SLC25A21: variants seen among roughly 807,000 people sequenced by gnomAD.
The protein encoded by SLC25A21 is solute carrier family 25 member 21.
SLC25A21 carries 47 observed loss-of-function variants against 43.8 expected under a neutral mutation model. The ratio of observed to expected loss-of-function variants is 1.07; its 90% CI spans 0.85 to 1.37. The LOEUF is 1.37. Among genes scored for constraint, SLC25A21 ranks in the 40% most tolerant of loss-of-function variants. The pLI is 0.00. For synonymous variants in SLC25A21, 131 were observed against 121.3 expected (o/e 1.08, Z -0.52); for missense variants, 352 against 350.2 (o/e 1.00, Z -0.04).
intron 1 of SLC25A21, among the ~76,000 whole-genome samples, chr14:36,985,715 T>G (rs909567744): frequency 6.6e-6 from 1 of 152,188 alleles, no homozygotes; most frequent in Non-Finnish European, 1.5e-5. Context: ...ATAATGGTTG[T>G]CGTAATTTTC....
intron 1 of SLC25A21, among the ~76,000 whole-genome samples, chr14:36,927,599 C>A (rs1892165966): frequency 6.6e-6 from 1 of 152,244 alleles, no homozygotes; most frequent in South Asian, 2.1e-4. Context: ...GTGACCATGT[C>A]TCCATTTTAT....
At chr14:36,838,251 G>C (rs1180536518) in intron 2 of SLC25A21, among the ~76,000 whole-genome samples, 1 of 152,224 alleles carries the variant, frequency 6.6e-6, no homozygotes, top group African/African-American at 2.4e-5. Context: ...CTAGAGAACA[G>C]AGGGGTCACA....
chr14:36,744,657 G>C (rs918412952), intron 3 of SLC25A21, among the ~76,000 whole-genome samples: 3 of 43,474 alleles, frequency 6.9e-5, no homozygotes, highest in African/African-American at 4.1e-4. Context: ...ATAGACAAAT[G>C]GGACTTAAAC....
At chr14:37,092,285 C>T (rs775857848) in intron 1 of SLC25A21, among the ~76,000 whole-genome samples, 5 of 152,162 alleles carry the variant, frequency 3.3e-5, no homozygotes, top group Non-Finnish European at 7.3e-5. Flanking sequence ...GAAATATAAA[C>T]CTTAATGGCA....
At chr14:37,159,329 A>G (rs185470906) in intron 1 of SLC25A21, among the ~76,000 whole-genome samples, 5 of 152,174 alleles carry the variant, frequency 3.3e-5, no homozygotes, top group Admixed American at 2.0e-4. Flanking sequence ...TCAAAATACA[A>G]TGCAAGGCTA....
chr14:37,005,675 C>A (rs768554562), intron 1 of SLC25A21, among the ~76,000 whole-genome samples: 33 of 151,818 alleles, frequency 2.2e-4, no homozygotes, highest in Non-Finnish European at 1.0e-4. Flanking sequence ...GTATATCTTT[C>A]ATGTGTAGAT....
chr14:37,127,031 G>A (rs986963226), intron 1 of SLC25A21, among the ~76,000 whole-genome samples: 1 of 152,072 alleles, frequency 6.6e-6, no homozygotes, highest in African/African-American at 2.4e-5. Flanking sequence ...CGTGGCTATT[G>A]CTTGCCCATC....
chr14:37,062,169 C>T (rs562698810), intron 1 of SLC25A21, among the ~76,000 whole-genome samples: 14 of 152,300 alleles, frequency 9.2e-5, no homozygotes, highest in Admixed American at 3.3e-4. Flanking sequence ...TTCATTTTAA[C>T]TACATATGGA....
At chr14:37,063,459 CA>C (rs143812232) in intron 1 of SLC25A21, among the ~76,000 whole-genome samples, 6,858 of 152,064 alleles carry the variant, frequency 0.045, 504 homozygotes, top group African/African-American at 0.16. Flanking sequence ...AGGATTTTGC[CA>C]CTGCACTCCA....
At chr14:37,041,464 G>A (rs979601722) in intron 1 of SLC25A21, among the ~76,000 whole-genome samples, 4 of 151,832 alleles carry the variant, frequency 2.6e-5, no homozygotes, top group Admixed American at 2.0e-4. Flanking sequence ...AATCCAGTCT[G>A]AGCAACATAT....
intron 1 of SLC25A21, among the ~76,000 whole-genome samples, chr14:37,103,373 G>C (rs530123947): frequency 1.3e-5 from 2 of 152,102 alleles, no homozygotes; most frequent in African/African-American, 2.4e-5. Context: ...CCACTGGAGC[G>C]TCTATCACGG....
chr14:37,147,765 T>C (rs1963691097), intron 1 of SLC25A21, among the ~76,000 whole-genome samples: 1 of 151,610 alleles, frequency 6.6e-6, no homozygotes, highest in Admixed American at 6.6e-5. Context: ...AAACATGACA[T>C]ATATGTTTAG....
chr14:36,760,068 C>G (rs959004147), intron 3 of SLC25A21, among the ~76,000 whole-genome samples: 1 of 152,124 alleles, frequency 6.6e-6, no homozygotes, highest in African/African-American at 2.4e-5. Flanking sequence ...TGCATGCTTT[C>G]TCTCTGGTTA....
chr14:36,804,041 T>C (rs1223785349), intron 3 of SLC25A21, among the ~76,000 whole-genome samples: 2 of 152,186 alleles, frequency 1.3e-5, no homozygotes, highest in Non-Finnish European at 2.9e-5. Context: ...TCAGAAGACA[T>C]GTGTAATCTA....
intron 1 of SLC25A21, chr14:37,098,064 T>C (rs940715422): frequency 6.6e-6 from 1 of 152,140 alleles, no homozygotes. Flanking sequence ...AAAATCTTTT[T>C]TAAAGATATA....
At chr14:36,695,976 G>A (rs1020145047) in intron 7 of SLC25A21, among the ~76,000 whole-genome samples, 3 of 152,168 alleles carry the variant, frequency 2.0e-5, no homozygotes, top group African/African-American at 7.2e-5. Context: ...GGGCATCCTT[G>A]TCTTGTGCCG....
chr14:37,113,161 G>A (rs560058677), intron 1 of SLC25A21, among the ~76,000 whole-genome samples: 5 of 152,174 alleles, frequency 3.3e-5, no homozygotes, highest in East Asian at 3.9e-4. Flanking sequence ...ATTTCAGCAG[G>A]ATGCTGAAAT....
chr14:37,034,503 G>A (rs564068526), intron 1 of SLC25A21, among the ~76,000 whole-genome samples: 21 of 152,096 alleles, frequency 1.4e-4, no homozygotes, highest in East Asian at 5.8e-4. Flanking sequence ...CACTTTCTCC[G>A]TTCCCACTCC....
intron 1 of SLC25A21, among the ~76,000 whole-genome samples, chr14:36,890,478 T>C (rs1258216666): frequency 2.0e-5 from 3 of 152,066 alleles, no homozygotes; most frequent in African/African-American, 7.2e-5. Context: ...TAGAGGCTTG[T>C]TGGTCCTGCT....
Sources: allele counts gnomAD v4.1 joint callset (sites outside exome capture counted in the v4.1 genomes callset), GRCh38; gene constraint gnomAD v4.1.1; transcripts MANE v1.5; gene names NCBI Gene and HGNC (gene_info 2026-07-23, HGNC 2026-07-21).